The following PITPNC1 variants were observed in gnomAD, a reference collection of about 807,000 sequenced individuals.
PITPNC1 encodes cytoplasmic phosphatidylinositol transfer protein 1.
A neutral mutation model predicts 44.7 loss-of-function variants in PITPNC1; 18 were observed. That is an observed-to-expected ratio of 0.40 (90% confidence interval 0.28 to 0.60). The LOEUF is 0.60. PITPNC1 is among the 20% of genes least tolerant of loss of function. The pLI, the probability that PITPNC1 is intolerant of heterozygous loss-of-function variation, is 0.39. For synonymous variants in PITPNC1, 141 were observed against 149.6 expected (o/e 0.94, Z 0.42); for missense variants, 290 against 418.4 (o/e 0.69, Z 2.68).
At chr17:67,596,579 C>A (rs1019308229) in intron 5 of PITPNC1, among the ~76,000 whole-genome samples, 8 of 152,038 alleles carry the variant, frequency 5.3e-5, no homozygotes, top group African/African-American at 1.9e-4. Flanking sequence ...GGCCCGATCT[C>A]GGCTCACTGC....
chr17:67,515,383 G>A (rs2040246912), intron 1 of PITPNC1, among the ~76,000 whole-genome samples: 1 of 152,170 alleles, frequency 6.6e-6, no homozygotes, highest in African/African-American at 2.4e-5. Flanking sequence ...GGAGTTTGTG[G>A]TCTGCCTTGT....
intron 6 of PITPNC1, among the ~76,000 whole-genome samples, chr17:67,636,272 A>C (rs2042031125): frequency 8.0e-6 from 1 of 124,416 alleles, no homozygotes; most frequent in African/African-American, 3.3e-5. Context: ...ACAGTGCGAG[A>C]CTCCGTTTCA....
chr17:67,419,637 G>A (rs1301817690), intron 1 of PITPNC1, among the ~76,000 whole-genome samples: 1 of 152,222 alleles, frequency 6.6e-6, no homozygotes, highest in Non-Finnish European at 1.5e-5. Flanking sequence ...CAGGCGCAGT[G>A]GCTCAAGCGT....
chr17:67,447,658 C>T (rs934171820), intron 1 of PITPNC1, among the ~76,000 whole-genome samples: 2 of 150,682 alleles, frequency 1.3e-5, no homozygotes, highest in African/African-American at 4.8e-5. Flanking sequence ...TGAGCCACCA[C>T]GCCCATCCTG....
chr17:67,672,004 G>A (rs539831101), intron 7 of PITPNC1, among the ~76,000 whole-genome samples: 1 of 151,708 alleles, frequency 6.6e-6, no homozygotes, highest in South Asian at 2.1e-4. Flanking sequence ...ACATGATCTC[G>A]GCTCACTGCA....
intron 1 of PITPNC1, among the ~76,000 whole-genome samples, chr17:67,498,345 G>A (rs533819879): frequency 6.6e-6 from 1 of 152,210 alleles, no homozygotes; most frequent in Non-Finnish European, 1.5e-5. Context: ...TGTAATCCCA[G>A]CACTTTGGGA....
chr17:67,381,591 C>G (rs1037900985), intron 1 of PITPNC1, among the ~76,000 whole-genome samples: 1 of 151,756 alleles, frequency 6.6e-6, no homozygotes, highest in Non-Finnish European at 1.5e-5. Context: ...CTCAGCCTCC[C>G]GAGTAGCTGG....
chr17:67,574,009 G>T (rs895792570), intron 4 of PITPNC1, among the ~76,000 whole-genome samples: 1 of 152,178 alleles, frequency 6.6e-6, no homozygotes, highest in African/African-American at 2.4e-5. Flanking sequence ...TAGGCTGTGG[G>T]AAGGAAGCAG....
intron 1 of PITPNC1, among the ~76,000 whole-genome samples, chr17:67,443,786 C>G (rs956239097): frequency 6.6e-6 from 1 of 151,802 alleles, no homozygotes; most frequent in Non-Finnish European, 1.5e-5. Context: ...AGGCGTCTGC[C>G]ACCACGCCTG....
intron 1 of PITPNC1, among the ~76,000 whole-genome samples, chr17:67,498,191 AT>A (rs2039981549): frequency 6.6e-6 from 1 of 152,022 alleles, no homozygotes; most frequent in Non-Finnish European, 1.5e-5. Flanking sequence ...TTTATTATCC[AT>A]GTGTATATCA....
At chr17:67,409,555 C>T (rs577215033) in intron 1 of PITPNC1, among the ~76,000 whole-genome samples, 149 of 150,746 alleles carry the variant, frequency 9.9e-4, no homozygotes, top group Middle Eastern at 3.4e-3. Flanking sequence ...GTGGTGGTGG[C>T]GGGGCGGAGT....
rs552652209 is a variant in PITPNC1, at chr17:67,641,497, G to A, written c.462+9259G>A. On this transcript the variant is annotated intron_variant, in intron 6 of 8. Coordinates refer to ENST00000581322, the MANE Select transcript of PITPNC1 (RefSeq NM_012417.4). ...CCTGTCTAGTGAGTTTTAGGTGGCC[G>A]GATAATATGCCAGTGAAGGCCAGGT... is the stretch of plus-strand genomic sequence containing the variant. 3.9e-5 allele frequency among the ~76,000 whole-genome samples: 6 copies of A among 152,146 alleles called. No individual in the cohort carries two copies. In the East Asian group the frequency reaches 9.7e-4, roughly 24 times the overall value.
At chr17:67,529,044 G>T (rs2040426832) in intron 1 of PITPNC1, among the ~76,000 whole-genome samples, 1 of 151,858 alleles carries the variant, frequency 6.6e-6, no homozygotes, top group South Asian at 2.1e-4. Flanking sequence ...CGAGTGTCCC[G>T]CCACCCCCAG....
intron 1 of PITPNC1, among the ~76,000 whole-genome samples, chr17:67,417,656 A>G (rs1484364409): frequency 6.6e-6 from 1 of 152,170 alleles, no homozygotes; most frequent in Non-Finnish European, 1.5e-5. Flanking sequence ...ACAGCTCTTA[A>G]GTTATTTCTC....
intron 5 of PITPNC1, among the ~76,000 whole-genome samples, chr17:67,617,073 A>T (rs766376119): frequency 2.6e-5 from 4 of 152,208 alleles, no homozygotes; most frequent in Non-Finnish European, 5.9e-5. Flanking sequence ...TCCTGCACAC[A>T]TTTAATAACA....
chr17:67,435,872 A>G (rs1160264699), intron 1 of PITPNC1, among the ~76,000 whole-genome samples: 1 of 152,202 alleles, frequency 6.6e-6, no homozygotes, highest in Admixed American at 6.5e-5. Context: ...CTCCCCGCCA[A>G]GAAGAACAAT....
At chr17:67,586,834 A>G (rs1402522157) in intron 5 of PITPNC1, among the ~76,000 whole-genome samples, 2 of 152,106 alleles carry the variant, frequency 1.3e-5, no homozygotes, top group Non-Finnish European at 2.9e-5. Context: ...TTCTGTGGAG[A>G]ATTAGTGAAA....
intron 1 of PITPNC1, among the ~76,000 whole-genome samples, chr17:67,420,833 C>T (rs1469103768): frequency 6.6e-6 from 1 of 152,208 alleles, no homozygotes; most frequent in Non-Finnish European, 1.5e-5. Flanking sequence ...CTCAGACTTA[C>T]TTTCCAGTGT....
intron 5 of PITPNC1, among the ~76,000 whole-genome samples, chr17:67,630,389 G>A (rs528314996): frequency 1.3e-5 from 2 of 152,232 alleles, no homozygotes; most frequent in African/African-American, 2.4e-5. Flanking sequence ...AGGCCAAGGC[G>A]GATGGATCAC....
Sources: allele counts gnomAD v4.1 joint callset (sites outside exome capture counted in the v4.1 genomes callset), GRCh38; gene constraint gnomAD v4.1.1; transcripts MANE v1.5; gene names NCBI Gene and HGNC (gene_info 2026-07-23, HGNC 2026-07-21).